LPIN1: variants seen among roughly 807,000 people sequenced by gnomAD.
The protein encoded by LPIN1 is phosphatidate phosphatase LPIN1.
Under a neutral mutation model 107.5 loss-of-function variants are expected in LPIN1, and 71 were observed. The ratio of observed to expected loss-of-function variants is 0.66; its 90% CI spans 0.55 to 0.80. The LOEUF is 0.80. Among genes scored for constraint, LPIN1 ranks in the 30% least tolerant of loss-of-function variants. The probability of loss-of-function intolerance (pLI) is 0.00; values close to 1 mark genes in which losing one functional copy is unlikely to be tolerated. For synonymous variants in LPIN1, 445 were observed against 452.6 expected (o/e 0.98, Z 0.21); for missense variants, 1,043 against 1,160.6 (o/e 0.90, Z 1.47).
At chr2:11,677,860 C>T (rs1358554315) in intron 1 of LPIN1, 8 of 739,412 alleles carry the variant, frequency 1.1e-5, no homozygotes, top group Admixed American at 2.3e-5. Flanking sequence ...TGGGTTTGTG[C>T]ATTCACGCTT....
intron 12 of LPIN1, among the ~76,000 whole-genome samples, chr2:11,789,892 G>GA (rs1675411885): frequency 6.6e-6 from 1 of 152,190 alleles, no homozygotes; most frequent in Admixed American, 6.5e-5. Flanking sequence ...CTTTCTACAA[G>GA]TCAGTAACTT....
In LPIN1 at chr2:11,807,049, T is replaced by C. The variant is rs567941756; in HGVS notation, c.2249+1893T>C. Among the ~76,000 whole-genome samples, 108 of 152,322 alleles carry C rather than the reference T, an allele frequency of 7.1e-4. 1 individual carries two copies. Among genetic ancestry groups the C allele is most frequent in the African/African-American group, 2.5e-3 (105 of 41,562 alleles). On this transcript the variant is annotated intron_variant, in intron 17 of 20. Coordinates refer to ENST00000674199, the MANE Select transcript of LPIN1 (RefSeq NM_001349206.2). ...TAGGTAGTTGCCACTTTTTCCCCTA[T>C]TGCCAACAGTGATGCAGTAAGCGTT...
chr2:11,802,405 G>A (rs1177150288), intron 14 of LPIN1, among the ~76,000 whole-genome samples: 1 of 152,128 alleles, frequency 6.6e-6, no homozygotes, highest in East Asian at 1.9e-4. Context: ...AGAAGAATTG[G>A]TGAGTCTTTC....
intron 5 of LPIN1, among the ~76,000 whole-genome samples, chr2:11,775,369 A>C (rs1672498932): frequency 6.6e-6 from 1 of 152,230 alleles, no homozygotes; most frequent in Non-Finnish European, 1.5e-5. Flanking sequence ...CTGTATGTTA[A>C]TTTTAAGGAT....
chr2:11,807,314 C>G (rs1031896066), intron 17 of LPIN1, among the ~76,000 whole-genome samples: 1 of 152,168 alleles, frequency 6.6e-6, no homozygotes, highest in Non-Finnish European at 1.5e-5. Context: ...ACGGGCTGAC[C>G]TTTCATTTAG....
intron 1 of LPIN1, among the ~76,000 whole-genome samples, chr2:11,691,404 C>G (rs115859736): frequency 0.012 from 1,815 of 152,266 alleles, 15 homozygotes; most frequent in Middle Eastern, 0.02. Flanking sequence ...CTCTTTTCAC[C>G]AGCATAGGAA....
At chr2:11,677,552 C>A, upstream of LPIN1, 2 of 926,348 alleles carry the variant, frequency 2.2e-6, no homozygotes, top group South Asian at 2.9e-5. Flanking sequence ...CCAGTGTCAC[C>A]CAGCCCAGCC....
intron 1 of LPIN1, chr2:11,683,162 A>G (rs1297984410): frequency 6.6e-6 from 1 of 152,182 alleles, no homozygotes; most frequent in Non-Finnish European, 1.5e-5. Context: ...ATGTGACTCC[A>G]CATAACTCTG....
At chr2:11,744,508 A>C (rs1339697045), upstream of LPIN1, among the ~76,000 whole-genome samples, 2 of 152,146 alleles carry the variant, frequency 1.3e-5, no homozygotes, top group African/African-American at 4.8e-5. Flanking sequence ...TTTGCTCTGA[A>C]TCCAGCCAGA....
chr2:11,777,016 T>C (rs1672776034), intron 6 of LPIN1, among the ~76,000 whole-genome samples: 2 of 152,246 alleles, frequency 1.3e-5, no homozygotes, highest in South Asian at 4.1e-4. Context: ...CTAGCCTTAT[T>C]GGGACTGGCA....
chr2:11,741,460 G>C (rs2148558439), intron 2 of LPIN1: 1 of 1,432,840 alleles, frequency 7.0e-7, no homozygotes, highest in Non-Finnish European at 9.6e-7. Flanking sequence ...TTCTATTACT[G>C]TTAAGGTGTT....
intron 17 of LPIN1, among the ~76,000 whole-genome samples, chr2:11,809,075 T>C (rs944457961): frequency 6.6e-5 from 10 of 152,054 alleles, no homozygotes; most frequent in Non-Finnish European, 1.3e-4. Context: ...GGCTTGAGTA[T>C]TGATGAAACA....
intron 1 of LPIN1, among the ~76,000 whole-genome samples, chr2:11,695,622 C>T (rs866133075): frequency 3.3e-5 from 5 of 152,154 alleles, no homozygotes; most frequent in Admixed American, 1.3e-4. Context: ...CCCTATTACG[C>T]CAGCTTAGGG....
intron 14 of LPIN1, among the ~76,000 whole-genome samples, chr2:11,797,099 T>G (rs931680062): frequency 1.5e-4 from 23 of 152,162 alleles, no homozygotes; most frequent in African/African-American, 5.6e-4. Flanking sequence ...TAAACCAACT[T>G]AAATAGCTAC....
chr2:11,815,926 AG>A (rs1278597784), intron 18 of LPIN1, among the ~76,000 whole-genome samples: 1 of 152,210 alleles, frequency 6.6e-6, no homozygotes, highest in African/African-American at 2.4e-5. Flanking sequence ...TTGGAGGCCC[AG>A]GGCAATTTAC....
At chr2:11,798,349 C>A (rs1558256955) in intron 14 of LPIN1, among the ~76,000 whole-genome samples, 1 of 152,136 alleles carries the variant, frequency 6.6e-6, no homozygotes. Context: ...TGGGAGGGGC[C>A]CGTACACAGT....
intron 6 of LPIN1, among the ~76,000 whole-genome samples, chr2:11,778,702 C>T (rs1026517762): frequency 7.2e-5 from 11 of 152,172 alleles, no homozygotes; most frequent in African/African-American, 1.9e-4. Flanking sequence ...TGTTATTATG[C>T]GGCAATAAAT....
intron 12 of LPIN1, among the ~76,000 whole-genome samples, chr2:11,790,167 G>A (rs1675467620): frequency 6.6e-6 from 1 of 152,210 alleles, no homozygotes; most frequent in African/African-American, 2.4e-5. Flanking sequence ...AGAGGTATTA[G>A]GAAGCAAACC....
chr2:11,724,400 G>A, exon 1 of LPIN1: 2 of 986,388 alleles, frequency 2.0e-6, no homozygotes, highest in African/African-American at 3.5e-5. Flanking sequence ...GCAGCCTGAG[G>A]GAAGGAACAG....
Sources: gnomAD v4.1 joint callset for allele counts (sites outside exome capture counted in the v4.1 genomes callset) on GRCh38, gnomAD v4.1.1 for gene constraint, MANE v1.5 for transcripts, NCBI Gene and HGNC (gene_info 2026-07-23, HGNC 2026-07-21) for gene names.